ATE1: variants seen among roughly 807,000 people sequenced by gnomAD.
ATE1 encodes arginyltransferase 1.
In ATE1, 36 loss-of-function variants were observed where a neutral mutation model predicts 70.5. That is an observed-to-expected ratio of 0.51 (90% CI 0.39 to 0.67). The LOEUF (loss-of-function observed/expected upper bound fraction) is 0.67. Among genes scored for constraint, ATE1 ranks in the 30% least tolerant of loss-of-function variants. The pLI is 0.00. For synonymous variants in ATE1, 232 were observed against 219.3 expected (o/e 1.06, Z -0.51); for missense variants, 593 against 629.5 (o/e 0.94, Z 0.62).
intron 10 of ATE1, among the ~76,000 whole-genome samples, chr10:121,819,747 C>T (rs541073602): frequency 3.4e-5 from 5 of 147,366 alleles, no homozygotes; most frequent in Non-Finnish European, 7.4e-5. Context: ...GTGATGGGTA[C>T]ACCAAAATCT....
At chr10:121,926,623 AATTT>A (rs1952101638) in intron 1 of ATE1, 1 of 693,860 alleles carries the variant, frequency 1.4e-6, no homozygotes, top group Admixed American at 6.3e-5. Context: ...TTAAAATATT[AATTT>A]TAGGCACGTT....
chr10:121,803,173 G>T (rs1946960938), intron 10 of ATE1, among the ~76,000 whole-genome samples: 1 of 152,096 alleles, frequency 6.6e-6, no homozygotes, highest in Non-Finnish European at 1.5e-5. Context: ...TAAGAGCTGG[G>T]AGTACATCAA....
At chr10:121,895,614 CA>C (rs199916637) in intron 7 of ATE1, among the ~76,000 whole-genome samples, 10 of 144,418 alleles carry the variant, frequency 6.9e-5, no homozygotes, top group African/African-American at 1.0e-4. Context: ...AACTCCGGCT[CA>C]AAAAAAAAAA....
At position 121,829,448 on chromosome 10, in the gene ATE1, GA is replaced by G. The variant is rs11453366; in HGVS notation, c.1257+7269del. 9.5e-3 allele frequency among the ~76,000 whole-genome samples: 1,409 copies of G among 148,054 alleles called. 25 individuals carry two copies. The highest frequency in any genetic ancestry group is 0.033 in the African/African-American group (1,325 of 40,260). Reference sequence around the variant, plus strand: ...AAAAAGAAAACAAAAAAAAAGGAAAGAAAAAAAAAATCGCTCCTGGCAAGGC... The same window carrying G: ...AAAAAGAAAACAAAAAAAAAGGAAAGAAAAAAAAATCGCTCCTGGCAAGGC... On this transcript the variant is annotated intron_variant, in intron 10 of 11. Transcript: ENST00000224652.
chr10:121,764,467 T>C (rs973980204), intron 11 of ATE1, among the ~76,000 whole-genome samples: 1 of 136,462 alleles, frequency 7.3e-6, no homozygotes, highest in Non-Finnish European at 1.6e-5. Flanking sequence ...CAAGACCTTG[T>C]CTGTACCGGT....
intron 8 of ATE1, among the ~76,000 whole-genome samples, chr10:121,847,159 A>T (rs375079917): frequency 2.0e-5 from 3 of 152,218 alleles, no homozygotes; most frequent in African/African-American, 7.2e-5. Flanking sequence ...CTTTAAAAAT[A>T]ATCATGCGGC....
intron 11 of ATE1, among the ~76,000 whole-genome samples, chr10:121,770,419 G>A (rs1419216144): frequency 6.6e-6 from 1 of 152,024 alleles, no homozygotes; most frequent in Non-Finnish European, 1.5e-5. Context: ...AATAATCTGA[G>A]ATTAGCAAAG....
At chr10:121,845,516 G>A (rs1188046114) in intron 8 of ATE1, among the ~76,000 whole-genome samples, 2 of 152,152 alleles carry the variant, frequency 1.3e-5, no homozygotes, top group Non-Finnish European at 2.9e-5. Flanking sequence ...AACTGCTGAG[G>A]GAGGGGAAAG....
At chr10:121,771,991 G>T (rs766061154) in intron 11 of ATE1, among the ~76,000 whole-genome samples, 1 of 152,208 alleles carries the variant, frequency 6.6e-6, no homozygotes, top group Non-Finnish European at 1.5e-5. Context: ...CCTGTCATTT[G>T]TAAGAACAAT....
At chr10:121,887,875 C>T (rs973179282) in intron 7 of ATE1, among the ~76,000 whole-genome samples, 3 of 152,076 alleles carry the variant, frequency 2.0e-5, no homozygotes, top group Non-Finnish European at 4.4e-5. Flanking sequence ...AGAATTTCAG[C>T]TAATAAGTGT....
chr10:121,892,350 G>A (rs1004069324), intron 7 of ATE1, among the ~76,000 whole-genome samples: 6 of 152,004 alleles, frequency 3.9e-5, no homozygotes, highest in African/African-American at 1.2e-4. Context: ...ATCTTACCTG[G>A]ACCAGAGGTG....
chr10:121,776,623 C>A (rs1322325485), intron 11 of ATE1, among the ~76,000 whole-genome samples: 1 of 152,236 alleles, frequency 6.6e-6, no homozygotes, highest in Admixed American at 6.5e-5. Context: ...TTGTGACCAG[C>A]ATTTCTTTAA....
At chr10:121,838,252 A>G (rs1948499948) in intron 9 of ATE1, among the ~76,000 whole-genome samples, 1 of 151,986 alleles carries the variant, frequency 6.6e-6, no homozygotes. Flanking sequence ...GGCACCACAT[A>G]TAAATAAAAC....
rs1291585558 is a variant in ATE1 at position 121,856,612 on chromosome 10, A to G, written c.975+13394T>C. ...CCACTGCAATAAAGTGAACATCACA[A>G]TAAGGCAAATCACATAACTGTTTTG... On this transcript the variant is annotated intron_variant, in intron 8 of 11. Transcript: ENST00000224652. Among the ~76,000 whole-genome samples the G allele has an allele frequency of 2.0e-5, 3 of 152,240 alleles. No individual in the cohort carries two copies. The East Asian group carries it at 5.8e-4, about 29-fold the overall frequency.
chr10:121,855,684 A>T (rs1949223003), intron 8 of ATE1, among the ~76,000 whole-genome samples: 1 of 152,222 alleles, frequency 6.6e-6, no homozygotes, highest in African/African-American at 2.4e-5. Context: ...TGATTTACAG[A>T]GATAAGAAAG....
chr10:121,828,664 A>G (rs1249613905), intron 10 of ATE1, among the ~76,000 whole-genome samples: 1 of 152,180 alleles, frequency 6.6e-6, no homozygotes, highest in Non-Finnish European at 1.5e-5. Context: ...AACAGCCTAG[A>G]CTGCTGATGG....
chr10:121,840,004 G>A lies in ATE1; in HGVS notation c.1157+1078C>T, dbSNP rs140251769. ...AGTATGACACAATAGTAAACAGTGA[G>A]AAAAAGAGAGACTCAAGCTCCCAGA... On this transcript the variant is annotated intron_variant, in intron 9 of 11. Coordinates refer to ENST00000224652, the MANE Select transcript of ATE1 (RefSeq NM_001001976.3). 5.2e-4 allele frequency among the ~76,000 whole-genome samples: 79 copies of A among 152,254 alleles called. 1 individual carries two copies. Among genetic ancestry groups the A allele is most frequent in the African/African-American group, 1.8e-3 (76 of 41,566 alleles).
At chr10:121,869,578 TA>T (rs1383333383) in intron 8 of ATE1, among the ~76,000 whole-genome samples, 1 of 152,228 alleles carries the variant, frequency 6.6e-6, no homozygotes, top group African/African-American at 2.4e-5. Context: ...TCATGGATTT[TA>T]AAGTGGTCTC....
Position 121,886,294 on chromosome 10 carries a change from T to TAA in ATE1, c.942+13570_942+13571dup, listed in dbSNP as rs34248913. Among the ~76,000 whole-genome samples the TAA allele has an allele frequency of 8.3e-3, 1,208 of 145,462 alleles. 19 individuals are homozygous for TAA. Among genetic ancestry groups the TAA allele is most frequent in the African/African-American group, 0.028 (1,125 of 40,030 alleles). On this transcript the variant is annotated intron_variant, in intron 7 of 11. Coordinates refer to ENST00000224652, the MANE Select transcript of ATE1 (RefSeq NM_001001976.3). ...AAAAACCAAAAATACATTGATGATT[T>TAA]AAAAAAAAAAAAAACCCACCTCCTG...
Sources: allele counts gnomAD v4.1 joint callset (sites outside exome capture counted in the v4.1 genomes callset), GRCh38; gene constraint gnomAD v4.1.1; transcripts MANE v1.5; gene names NCBI Gene and HGNC (gene_info 2026-07-23, HGNC 2026-07-21).